Variants in LINC00237 observed in about 807,000 individuals in gnomAD.
The protein encoded by LINC00237 is long intergenic non-protein coding RNA 237.
intron 1 of LINC00237, among the ~76,000 whole-genome samples, chr20:21,104,643 G>A (rs954019085): frequency 4.6e-5 from 7 of 152,094 alleles, no homozygotes; most frequent in African/African-American, 1.7e-4. Context: ...CTGACTTACT[G>A]TTTTTTTTCC....
rs980933102 is a variant in LINC00237 at position 21,094,876 on chromosome 20, C to G, written n.89-1024G>C. 2.0e-5 allele frequency among the ~76,000 whole-genome samples: 3 copies of G among 152,260 alleles called. No homozygotes were observed. In the East Asian group the frequency reaches 5.8e-4, roughly 29 times the overall value. ...ACCAGCCTGGCCAATGTGGCAAAACCCCATCTGTACTAAAAATACAAAAAA... is the reference window on the plus strand; with the variant it reads ...ACCAGCCTGGCCAATGTGGCAAAACGCCATCTGTACTAAAAATACAAAAAA... On this transcript the variant is annotated intron_variant and non_coding_transcript_variant, in intron 1 of 3. Coordinates refer to ENST00000691244, the Ensembl canonical transcript of LINC00237.
At chr20:21,105,014 A>G (rs1215348625) in intron 1 of LINC00237, among the ~76,000 whole-genome samples, 1 of 152,186 alleles carries the variant, frequency 6.6e-6, no homozygotes, top group Non-Finnish European at 1.5e-5. Flanking sequence ...CAACCTAGGA[A>G]GCTTCCATCT....
chr20:21,086,272 T>C (rs2030691981), intron 3 of LINC00237, among the ~76,000 whole-genome samples: 1 of 151,962 alleles, frequency 6.6e-6, no homozygotes, highest in Admixed American at 6.6e-5. Flanking sequence ...ACATGAGAGA[T>C]CTATAGAGAA....
At chr20:21,093,355 G>C (rs958854473) in intron 2 of LINC00237, 1 of 152,196 alleles carries the variant, frequency 6.6e-6, no homozygotes, top group African/African-American at 2.4e-5. Flanking sequence ...GCCCCCACTG[G>C]TCAGTAGGAG....
intron 1 of LINC00237, among the ~76,000 whole-genome samples, chr20:21,102,037 T>C (rs1255009156): frequency 3.3e-5 from 5 of 152,268 alleles, no homozygotes; most frequent in South Asian, 2.1e-4. Flanking sequence ...GCGTGGCCAG[T>C]TGGGCATCGC....
intron 1 of LINC00237, among the ~76,000 whole-genome samples, chr20:21,104,487 G>T (rs2030972002): frequency 6.6e-6 from 1 of 152,254 alleles, no homozygotes; most frequent in Non-Finnish European, 1.5e-5. Context: ...CTCACCTTGA[G>T]GGGAGTGGCC....
In LINC00237 at chr20:21,096,647, T is replaced by C. The variant is rs562658993; in HGVS notation, n.89-2795A>G. Among the ~76,000 whole-genome samples, 32 of 152,316 alleles carry C rather than the reference T, an allele frequency of 2.1e-4. No homozygotes were observed. In the East Asian group the frequency reaches 6.2e-3, roughly 29 times the overall value. ...TAAGCCTTTCTGCACACTATTTTTT[T>C]CCTTACTCCCCTCACTTGGATTCCA... On this transcript the variant is annotated intron_variant and non_coding_transcript_variant, in intron 1 of 3. Transcript: ENST00000691244.
At chr20:21,104,347 G>T (rs2030970253) in intron 1 of LINC00237, among the ~76,000 whole-genome samples, 2 of 152,242 alleles carry the variant, frequency 1.3e-5, no homozygotes, top group African/African-American at 4.8e-5. Context: ...GTTGGCCTTT[G>T]GTCAGGTCAG....
At chr20:21,087,011 G>A (rs545696338) in intron 3 of LINC00237, among the ~76,000 whole-genome samples, 1 of 140,892 alleles carries the variant, frequency 7.1e-6, no homozygotes, top group African/African-American at 2.6e-5. Flanking sequence ...TACATATATA[G>A]TATATATGTA....
intron 1 of LINC00237, among the ~76,000 whole-genome samples, chr20:21,105,926 G>T (rs1014825026): frequency 6.6e-6 from 1 of 152,176 alleles, no homozygotes; most frequent in African/African-American, 2.4e-5. Flanking sequence ...ACCTCGGCCC[G>T]GCCTGCGGGG....
chr20:21,097,514 C>T (rs1029631190), intron 1 of LINC00237, among the ~76,000 whole-genome samples: 1 of 152,014 alleles, frequency 6.6e-6, no homozygotes, highest in African/African-American at 2.4e-5. Context: ...ATTTTAAAAT[C>T]GTTATTCTGC....
rs1461101903 is a variant in LINC00237 at position 21,101,886 on chromosome 20, G to A, written n.88+4385C>T. On this transcript the variant is annotated intron_variant and non_coding_transcript_variant, in intron 1 of 3. Transcript: ENST00000691244. This position sits in a 1 kb window ranked among gnomAD's most constrained non-coding sequence, Gnocchi z 4.3. ...GGGCACGCGGGGGTGGTTGGGGGCG[G>A]AGTGCGGCGAGGGGTGAGGGCGCGA... Among the ~76,000 whole-genome samples the A allele has an allele frequency of 6.6e-6, 1 of 152,182 alleles. No individual in the cohort carries two copies. The highest frequency in any genetic ancestry group is 2.4e-5 in the African/African-American group (1 of 41,458).
chr20:21,104,109 T>C lies in LINC00237; in HGVS notation n.88+2162A>G, dbSNP rs139048497. On this transcript the variant is annotated intron_variant and non_coding_transcript_variant, in intron 1 of 3. Transcript: ENST00000691244. ...AAACAAATGTAATTCCTGGGAAATA[T>C]AATGCGTCCACCAGGCGCACACTAT... Among the ~76,000 whole-genome samples, 64 of 152,014 alleles carry C rather than the reference T, an allele frequency of 4.2e-4. 1 individual carries two copies. The East Asian group carries it at 9.5e-3, about 23-fold the overall frequency.
chr20:21,095,328 A>G (rs2030843873), intron 1 of LINC00237, among the ~76,000 whole-genome samples: 1 of 152,194 alleles, frequency 6.6e-6, no homozygotes, highest in Non-Finnish European at 1.5e-5. Context: ...GACTTTCCAC[A>G]TAAATAAGCC....
At chr20:21,096,016 C>T (rs1239020780) in intron 1 of LINC00237, among the ~76,000 whole-genome samples, 2 of 152,194 alleles carry the variant, frequency 1.3e-5, no homozygotes, top group Non-Finnish European at 2.9e-5. Flanking sequence ...TTATAATACA[C>T]CTTGATGGTT....
At position 21,086,937 on chromosome 20, in the gene LINC00237, A is replaced by C. The variant is rs925023964; in HGVS notation, n.559+1007T>G. Among the ~76,000 whole-genome samples the C allele has an allele frequency of 2.5e-4, 35 of 137,858 alleles. No individual in the cohort carries two copies. The East Asian group carries it at 5.4e-3, about 21-fold the overall frequency. The allele number at this position is 137,858 out of a possible 152,430, so 90.4% of individuals were successfully genotyped here. On this transcript the variant is annotated intron_variant and non_coding_transcript_variant, in intron 3 of 3. Transcript: ENST00000691244. ...AGTATATATACACTATATATGTACT[A>C]TATATAGTATATATGTACTATAGTA...
chr20:21,086,701 T>C (rs2030709029), intron 3 of LINC00237, among the ~76,000 whole-genome samples: 2 of 4,402 alleles, frequency 4.5e-4, no homozygotes, highest in Non-Finnish European at 1.2e-3. Flanking sequence ...ATATGTAGTA[T>C]ACTATATATA....
At chr20:21,089,097 T>G (rs2030754532) in intron 2 of LINC00237, among the ~76,000 whole-genome samples, 1 of 151,694 alleles carries the variant, frequency 6.6e-6, no homozygotes, top group African/African-American at 2.4e-5. Context: ...CCCGTGTATG[T>G]GTGTGCATGT....
At chr20:21,100,206 AG>A (rs2030911530) in intron 1 of LINC00237, among the ~76,000 whole-genome samples, 1 of 152,136 alleles carries the variant, frequency 6.6e-6, no homozygotes, top group Non-Finnish European at 1.5e-5. Context: ...GGATGCCCGT[AG>A]AGGATAAAAC....
Sources: gnomAD v4.1 joint callset for allele counts (sites outside exome capture counted in the v4.1 genomes callset) on GRCh38, gnomAD v4.1.1 for gene constraint, Gnocchi (gnomAD v3.1) non-coding constraint, MANE v1.5 for transcripts, NCBI Gene and HGNC (gene_info 2026-07-23, HGNC 2026-07-21) for gene names.